The following LIFR variants were observed in gnomAD, a reference collection of about 807,000 sequenced individuals.
The protein encoded by LIFR is leukemia inhibitory factor receptor.
In LIFR, 84 loss-of-function variants were observed where a neutral mutation model predicts 122.2. The ratio of observed to expected loss-of-function variants is 0.69; its 90% confidence interval spans 0.58 to 0.82. LIFR has a LOEUF of 0.82. Among genes scored for constraint, LIFR ranks in the 40% least tolerant of loss-of-function variants. LIFR has a pLI of 0.00. For synonymous variants in LIFR, 422 were observed against 434.7 expected, an observed-to-expected ratio of 0.97 and a Z score of 0.36; for missense variants, 1,294 against 1,311.6, an observed-to-expected ratio of 0.99 and a Z score of 0.21.
In LIFR at chr5:38,562,790, A is replaced by G. The variant is rs1748884255; in HGVS notation, c.-19-32124T>C. On this transcript the variant is annotated intron_variant, in intron 1 of 19. Transcript: ENST00000263409. ...CACCTTCAATATTATGTACAAAACC[A>G]AAAAACCTAAAACTGCAGGGGTGAA... Among the ~76,000 whole-genome samples, 4 of 152,326 alleles carry G rather than the reference A, an allele frequency of 2.6e-5. No homozygotes were observed. The South Asian group carries it at 8.3e-4, about 32-fold the overall frequency.
chr5:38,518,367 C>T (rs1746217246), intron 5 of LIFR, among the ~76,000 whole-genome samples: 1 of 152,124 alleles, frequency 6.6e-6, no homozygotes, highest in Non-Finnish European at 1.5e-5. Context: ...ATAATAGTAT[C>T]ACCCTCCTGG....
chr5:38,579,298 C>G (rs945783438), intron 1 of LIFR: 1 of 151,664 alleles, frequency 6.6e-6, no homozygotes, highest in African/African-American at 2.4e-5. Flanking sequence ...TTGGCCAAAA[C>G]AGGTCACGTG....
At chr5:38,579,441 AT>A (rs986065288) in intron 1 of LIFR, 4 of 151,918 alleles carry the variant, frequency 2.6e-5, no homozygotes, top group Admixed American at 2.6e-4. Context: ...TAGGTCAAAT[AT>A]TTTTGGAAAA....
At chr5:38,590,631 CA>C (rs1749892721) in intron 1 of LIFR, among the ~76,000 whole-genome samples, 1 of 152,324 alleles carries the variant, frequency 6.6e-6, no homozygotes, top group East Asian at 1.9e-4. Flanking sequence ...CCACCATCAT[CA>C]TCATCAAAAT....
At chr5:38,524,923 C>T (rs1469359609) in intron 4 of LIFR, among the ~76,000 whole-genome samples, 2 of 152,064 alleles carry the variant, frequency 1.3e-5, no homozygotes, top group African/African-American at 2.4e-5. Context: ...GTTACCTGTG[C>T]CAAATAAAAC....
chr5:38,488,161 G>C (rs968238417), intron 16 of LIFR, among the ~76,000 whole-genome samples: 1 of 152,110 alleles, frequency 6.6e-6, no homozygotes, highest in Non-Finnish European at 1.5e-5. Context: ...AGTCACACTA[G>C]GCTCTGGATG....
chr5:38,494,545 G>C (rs137899894), intron 13 of LIFR, among the ~76,000 whole-genome samples: 6 of 152,270 alleles, frequency 3.9e-5, no homozygotes, highest in African/African-American at 1.4e-4. Context: ...CCAGATCTTG[G>C]CCTAGGTAAG....
intron 13 of LIFR, among the ~76,000 whole-genome samples, chr5:38,495,407 C>A (rs1215213159): frequency 6.6e-6 from 1 of 152,130 alleles, no homozygotes; most frequent in Non-Finnish European, 1.5e-5. Flanking sequence ...TATTAAGCCC[C>A]TCCTCCCAGC....
At chr5:38,508,652 C>T (rs932432379) in intron 7 of LIFR, among the ~76,000 whole-genome samples, 5 of 152,048 alleles carry the variant, frequency 3.3e-5, no homozygotes, top group Non-Finnish European at 5.9e-5. Flanking sequence ...TCTCAGCTCA[C>T]TGCAAGCTCC....
chr5:38,548,727 C>A (rs927801723), intron 1 of LIFR, among the ~76,000 whole-genome samples: 1 of 152,132 alleles, frequency 6.6e-6, no homozygotes, highest in African/African-American at 2.4e-5. Flanking sequence ...AAGAAAAATG[C>A]CTTCAATTCA....
chr5:38,542,934 AC>A (rs573811972), intron 1 of LIFR, among the ~76,000 whole-genome samples: 8 of 150,256 alleles, frequency 5.3e-5, no homozygotes, highest in Non-Finnish European at 1.0e-4. Context: ...GATTTATAAA[AC>A]CATCTTTCTC....
chr5:38,494,647 G>C (rs1022377072), intron 13 of LIFR, among the ~76,000 whole-genome samples: 1 of 151,876 alleles, frequency 6.6e-6, no homozygotes, highest in Non-Finnish European at 1.5e-5. Context: ...CGTAACAGGA[G>C]AAAAGAGGTA....
At chr5:38,514,145 T>C (rs187617815) in intron 5 of LIFR, among the ~76,000 whole-genome samples, 57 of 151,552 alleles carry the variant, frequency 3.8e-4, no homozygotes, top group African/African-American at 1.3e-3. Flanking sequence ...AGAAAATACA[T>C]AGAAAACAAG....
chr5:38,533,326 T>C (rs755292711), intron 1 of LIFR, among the ~76,000 whole-genome samples: 1 of 152,204 alleles, frequency 6.6e-6, no homozygotes, highest in African/African-American at 2.4e-5. Flanking sequence ...GACTGTTGAA[T>C]GGAAAGAAAA....
chr5:38,494,988 A>G (rs896225606), intron 13 of LIFR, among the ~76,000 whole-genome samples: 1 of 152,244 alleles, frequency 6.6e-6, no homozygotes, highest in Non-Finnish European at 1.5e-5. Flanking sequence ...AGCAACTACT[A>G]CTAAACGCAA....
intron 5 of LIFR, among the ~76,000 whole-genome samples, chr5:38,516,522 A>C (rs1222651557): frequency 6.6e-6 from 1 of 152,216 alleles, no homozygotes; most frequent in East Asian, 1.9e-4. Flanking sequence ...ATCTCATGCC[A>C]GTTAGAATGG....
At chr5:38,493,556 T>C (rs1201599819) in intron 14 of LIFR, 50 bp downstream of exon 14, 4 of 1,556,316 alleles carry the variant, frequency 2.6e-6, no homozygotes, top group Non-Finnish European at 3.5e-6. Flanking sequence ...ACGTGTTGCC[T>C]TTTAAAAATA....
intron 5 of LIFR, among the ~76,000 whole-genome samples, chr5:38,521,647 C>G (rs909663032): frequency 1.3e-5 from 2 of 152,132 alleles, no homozygotes; most frequent in East Asian, 3.9e-4. Flanking sequence ...GGGCTGGGTA[C>G]GTTCTCAGGC....
chr5:38,494,023 T>C lies in LIFR; in HGVS notation c.1886-238A>G, dbSNP rs116799438. Among the ~76,000 whole-genome samples the C allele has an allele frequency of 5.8e-3, 884 of 152,236 alleles. 5 individuals are homozygous for C. Among genetic ancestry groups the C allele is most frequent in the Admixed American group, 8.5e-3 (130 of 15,290 alleles). On this transcript the variant is annotated intron_variant, in intron 13 of 19. Coordinates refer to ENST00000453190, the MANE Select transcript of LIFR (RefSeq NM_001127671.2). ...ACAGCAGCTCAAAGAAAGTCGTTTTTAAAAAGCGCCTAGGATCAGGTAGTG... is the reference window on the plus strand; with the variant it reads ...ACAGCAGCTCAAAGAAAGTCGTTTTCAAAAAGCGCCTAGGATCAGGTAGTG...
Sources: gnomAD v4.1 joint callset for allele counts (sites outside exome capture counted in the v4.1 genomes callset) on GRCh38, gnomAD v4.1.1 for gene constraint, MANE v1.5 for transcripts, NCBI Gene and HGNC (gene_info 2026-07-23, HGNC 2026-07-21) for gene names.